Variants in CEP63 observed in about 807,000 individuals in gnomAD.
The protein encoded by CEP63 is centrosomal protein of 63 kDa.
CEP63 carries 84 observed loss-of-function variants against 89.1 expected under a neutral mutation model. The observed-to-expected ratio is 0.94, with a 90% CI of 0.79 to 1.13. The LOEUF (loss-of-function observed/expected upper bound fraction) is 1.13, where lower values mean the gene tolerates loss of function less well. Among genes scored for constraint, CEP63 ranks in the 50% most tolerant of loss-of-function variants. The pLI, the probability that CEP63 is intolerant of heterozygous loss-of-function variation, is 0.00. For synonymous variants in CEP63, 267 were observed against 272.5 expected, an observed-to-expected ratio of 0.98 and a Z score of 0.20; for missense variants, 838 against 813.3, an observed-to-expected ratio of 1.03 and a Z score of -0.37.
chr3:134,685,280 G>C, the CEP63 span, among the ~76,000 whole-genome samples: 1 of 151,542 alleles, frequency 6.6e-6, no homozygotes, highest in Non-Finnish European at 1.5e-5. Flanking sequence ...AAGACTTTGG[G>C]GGAACTCTGA....
chr3:134,520,908 T>C (rs1947298598), intron 3 of CEP63, among the ~76,000 whole-genome samples: 1 of 152,168 alleles, frequency 6.6e-6, no homozygotes, highest in South Asian at 2.1e-4. Context: ...AAATGTGAAA[T>C]GCTGAAGATT....
chr3:134,579,002 C>T (rs570377462), downstream of CEP63, among the ~76,000 whole-genome samples: 2 of 152,310 alleles, frequency 1.3e-5, no homozygotes, highest in Non-Finnish European at 2.9e-5. Flanking sequence ...AAGTGATCCA[C>T]CTGCCTTGGC....
chr3:134,774,692 G>C, the CEP63 span, among the ~76,000 whole-genome samples: 1 of 152,184 alleles, frequency 6.6e-6, no homozygotes, highest in Non-Finnish European at 1.5e-5. Flanking sequence ...TGAACAGAGC[G>C]GGGTTCAAGC....
chr3:134,550,267 C>G lies in CEP63; in HGVS notation c.1380+7C>G. Reference sequence around the variant, plus strand: ...CAAAGCAGTAGAGCATAAGGTGAAGCCTGAACAAAACCTTTTTTAAATTTG... The same window carrying G: ...CAAAGCAGTAGAGCATAAGGTGAAGGCTGAACAAAACCTTTTTTAAATTTG... On this transcript the variant is annotated splice_region_variant and intron_variant, in intron 11 of 14. Transcript: ENST00000675561. 6.2e-7 allele frequency: 1 copy of G among 1,612,962 alleles called. No homozygotes were observed.
At chr3:134,508,887 G>T (rs1011096722) in intron 3 of CEP63, among the ~76,000 whole-genome samples, 1 of 151,682 alleles carries the variant, frequency 6.6e-6, no homozygotes, top group Middle Eastern at 3.5e-3. Context: ...CTAGAAGTAG[G>T]TTTCTGAAGA....
intron 10 of CEP63, among the ~76,000 whole-genome samples, chr3:134,580,627 C>G (rs1281065434): frequency 6.6e-6 from 1 of 152,170 alleles, no homozygotes; most frequent in East Asian, 1.9e-4. Context: ...GACAAATATT[C>G]CTCATGAACA....
At chr3:134,508,055 A>G (rs1283476484) in intron 3 of CEP63, among the ~76,000 whole-genome samples, 2 of 152,220 alleles carry the variant, frequency 1.3e-5, no homozygotes, top group South Asian at 2.1e-4. Context: ...TAGGGTCACC[A>G]TTCATTAAGG....
chr3:134,495,282 T>G lies in CEP63; in HGVS notation c.-25-14T>G, dbSNP rs1243253605. On this transcript the variant is annotated splice_polypyrimidine_tract_variant and intron_variant, in intron 1 of 14. Coordinates refer to ENST00000675561, the MANE Select transcript of CEP63 (RefSeq NM_001353108.3). ...AATGAATTGTCTCATGACTGATATT[T>G]TTTTCTTTGTCAGTTGCCAAAACAA... The G allele has an allele frequency of 6.3e-7, 1 of 1,594,238 alleles. No homozygotes were observed. Among genetic ancestry groups the G allele is most frequent in the Admixed American group, 1.7e-5 (1 of 59,992 alleles).
intron 3 of CEP63, among the ~76,000 whole-genome samples, chr3:134,516,128 T>C (rs1946148278): frequency 6.6e-6 from 1 of 152,134 alleles, no homozygotes; most frequent in Non-Finnish European, 1.5e-5. Context: ...TGGGTGTTTC[T>C]CGGAGAGGGG....
chr3:134,750,630 G>C, the CEP63 span, among the ~76,000 whole-genome samples: 2 of 152,042 alleles, frequency 1.3e-5, no homozygotes, highest in Non-Finnish European at 2.9e-5. Flanking sequence ...GGAGACAGGT[G>C]GGGGAAGCCA....
At chr3:134,520,933 A>G (rs1394185811) in intron 3 of CEP63, among the ~76,000 whole-genome samples, 3 of 152,220 alleles carry the variant, frequency 2.0e-5, no homozygotes, top group East Asian at 3.8e-4. Flanking sequence ...AGAAGATGAC[A>G]TAAGAGAAAA....
the CEP63 span, among the ~76,000 whole-genome samples, chr3:134,727,928 T>A: frequency 6.6e-6 from 1 of 152,060 alleles, no homozygotes; most frequent in Non-Finnish European, 1.5e-5. Flanking sequence ...CCTACAGATC[T>A]AAAAAATCCC....
the CEP63 span, among the ~76,000 whole-genome samples, chr3:134,604,810 G>A: frequency 6.6e-6 from 1 of 152,326 alleles, no homozygotes; most frequent in South Asian, 2.1e-4. Flanking sequence ...GATGAAGGTT[G>A]CCTGTGTCCA....
At chr3:134,693,001 T>C in the CEP63 span, among the ~76,000 whole-genome samples, 1 of 152,234 alleles carries the variant, frequency 6.6e-6, no homozygotes, top group Non-Finnish European at 1.5e-5. Flanking sequence ...AGAGCTGTTA[T>C]ACAGGTGCCT....
chr3:134,620,224 A>AGGTC, the CEP63 span, among the ~76,000 whole-genome samples: 1 of 152,184 alleles, frequency 6.6e-6, no homozygotes, highest in Non-Finnish European at 1.5e-5. Context: ...GCATAGGCCC[A>AGGTC]GGTCCCTCAG....
the CEP63 span, among the ~76,000 whole-genome samples, chr3:134,750,061 T>C: frequency 6.6e-6 from 1 of 152,244 alleles, no homozygotes; most frequent in Non-Finnish European, 1.5e-5. Flanking sequence ...TAACACCTCA[T>C]TTCACCTGCC....
the CEP63 span, among the ~76,000 whole-genome samples, chr3:134,626,672 A>G: frequency 2.0e-5 from 3 of 152,084 alleles, no homozygotes; most frequent in Admixed American, 6.5e-5. Context: ...TCACCTCTAG[A>G]CCTGGCTCCA....
chr3:134,637,904 C>T, the CEP63 span, among the ~76,000 whole-genome samples: 26 of 152,232 alleles, frequency 1.7e-4, no homozygotes, highest in African/African-American at 5.5e-4. Flanking sequence ...GTTCGGAGCA[C>T]GGCCCTGGCC....
At chr3:134,754,455 C>G in the CEP63 span, among the ~76,000 whole-genome samples, 1 of 152,188 alleles carries the variant, frequency 6.6e-6, no homozygotes, top group Non-Finnish European at 1.5e-5. Flanking sequence ...TCACAACTCC[C>G]TTCCTTTATC....
Sources: gnomAD v4.1 joint callset for allele counts (sites outside exome capture counted in the v4.1 genomes callset) on GRCh38, gnomAD v4.1.1 for gene constraint, MANE v1.5 for transcripts, NCBI Gene and HGNC (gene_info 2026-07-23, HGNC 2026-07-21) for gene names.